Variants in PON1 observed in about 807,000 individuals in gnomAD.
PON1 encodes the protein serum paraoxonase/arylesterase 1.
A neutral mutation model predicts 39.2 loss-of-function variants in PON1; 37 were observed. The ratio of observed to expected loss-of-function variants is 0.94; its 90% CI spans 0.73 to 1.24. The LOEUF is 1.24. PON1 is among the 50% of genes most tolerant of loss of function. The pLI is 0.00. For synonymous variants in PON1, 148 were observed against 152.2 expected (o/e 0.97, Z 0.21); for missense variants, 397 against 413.5 (o/e 0.96, Z 0.35).
At chr7:95,314,055 C>G (rs1807712291) in intron 4 of PON1, among the ~76,000 whole-genome samples, 1 of 150,884 alleles carries the variant, frequency 6.6e-6, no homozygotes, top group Admixed American at 6.6e-5. Flanking sequence ...AAATGGTAAA[C>G]AGCATAAAAG....
At chr7:95,306,488 C>T (rs1182768377) in intron 6 of PON1, 122 bp from the exon 7 acceptor site, 3 of 751,420 alleles carry the variant, frequency 4.0e-6, no homozygotes, top group Non-Finnish European at 2.4e-6. Flanking sequence ...ATGGAACCCA[C>T]CTCAAACACA....
At chr7:95,318,730 C>T in intron 1 of PON1, 1 of 272,788 alleles carries the variant, frequency 3.7e-6, no homozygotes, top group Non-Finnish European at 7.2e-6. Flanking sequence ...AACATGGTTC[C>T]AGTTTATTCC....
chr7:95,317,960 C>A (rs997416723), intron 2 of PON1, among the ~76,000 whole-genome samples: 19 of 152,002 alleles, frequency 1.2e-4, no homozygotes, highest in African/African-American at 4.6e-4. Context: ...CCTGTCAGAG[C>A]CTTTCTAAAA....
rs751697220 is a variant in PON1, at chr7:95,299,073, T to C, written c.939A>G (p.Glu313=). The change falls in exon 9 of 9, where the codon GAA becomes GAG. Residue 313 remains glutamate, a synonymous_variant. Transcript: ENST00000222381. ...CATAAACCTGTGTCACTTTAGGTTC[T>C]TCTGTTAGAATGTTCTGGATTCGAA... The part of the protein sequence containing the change: ...EVLRIQNILT[E]EPKVTQVYAE... 7.4e-6 allele frequency: 12 copies of C among 1,614,058 alleles called. No homozygotes were observed. Among genetic ancestry groups the C allele is most frequent in the African/African-American group, 5.3e-5 (4 of 74,938 alleles).
chr7:95,318,299 C>T, intron 2 of PON1, 24 bp downstream of exon 2: 1 of 1,564,092 alleles, frequency 6.4e-7, no homozygotes, highest in Non-Finnish European at 8.8e-7. Flanking sequence ...TCAAATGAGA[C>T]CCTTCTTCCT....
At chr7:95,311,396 G>A in intron 5 of PON1, 55 bp downstream of exon 5, 1 of 1,604,446 alleles carries the variant, frequency 6.2e-7, no homozygotes, top group Non-Finnish European at 8.5e-7. Flanking sequence ...AACTAAAAGT[G>A]GATTAACTAT....
chr7:95,312,178 A>T (rs903655865), intron 4 of PON1, among the ~76,000 whole-genome samples: 1 of 151,994 alleles, frequency 6.6e-6, no homozygotes, highest in Non-Finnish European at 1.5e-5. Context: ...ACATGATCAA[A>T]TTGGCGTTTT....
At chr7:95,307,712 T>C (rs188056693) in intron 6 of PON1, among the ~76,000 whole-genome samples, 2 of 152,322 alleles carry the variant, frequency 1.3e-5, no homozygotes, top group African/African-American at 2.4e-5. Flanking sequence ...CAACTCATTA[T>C]ACACTCACAT....
At chr7:95,314,823 G>A (rs1330463410) in intron 4 of PON1, among the ~76,000 whole-genome samples, 2 of 152,144 alleles carry the variant, frequency 1.3e-5, no homozygotes, top group Non-Finnish European at 2.9e-5. Flanking sequence ...ACCAAGTTAT[G>A]TTGAAAGGGA....
chr7:95,318,220 A>C (rs1807814259), intron 2 of PON1, 103 bp downstream of exon 2: 3 of 1,008,970 alleles, frequency 3.0e-6, no homozygotes, highest in Non-Finnish European at 4.7e-6. Flanking sequence ...CTCCTGATTC[A>C]AAATTTTATT....
chr7:95,311,626 G>A, intron 4 of PON1, 49 bp from the exon 5 acceptor site: 10 of 1,610,732 alleles, frequency 6.2e-6, no homozygotes, highest in Non-Finnish European at 8.5e-6. Context: ...AGCTCTCACT[G>A]TCAGCCCTCT....
At chr7:95,318,459 A>C in intron 1 of PON1, 66 bp from the exon 2 acceptor site, 1 of 1,427,476 alleles carries the variant, frequency 7.0e-7, no homozygotes, top group Non-Finnish European at 9.8e-7. Flanking sequence ...TTGCAAAGGT[A>C]GGCAGTCCAC....
chr7:95,298,877 C>A lies in PON1; in HGVS notation c.*67G>T. The A allele has an allele frequency of 6.3e-7, 1 of 1,585,780 alleles. No homozygotes were observed. The highest frequency in any genetic ancestry group is 1.1e-5 in the South Asian group (1 of 90,314). On this transcript the variant is annotated 3_prime_UTR_variant, in exon 9 of 9. Transcript: ENST00000222381. ...CATTGTTCAGCTAAGAACACTGGGT[C>A]CTCGGAATATGGCAAGCGGTTGAAA...
intron 7 of PON1, among the ~76,000 whole-genome samples, chr7:95,305,510 A>G (rs1807520087): frequency 6.6e-6 from 1 of 152,192 alleles, no homozygotes; most frequent in African/African-American, 2.4e-5. Flanking sequence ...CTTACACCCT[A>G]GTTGGGGAAT....
chr7:95,298,553 C>G lies in PON1; in HGVS notation c.*391G>C. The stretch of plus-strand genomic sequence containing the variant: ...GAGTTCTAAAGACACGTGAGCTAAC[C>G]CTGCTCCCCTGTGTCTTCTGAACAA... On this transcript the variant is annotated 3_prime_UTR_variant, in exon 9 of 9. Transcript: ENST00000222381. The G allele has an allele frequency of 3.0e-6, 1 of 335,740 alleles. No homozygotes were observed. The highest frequency in any genetic ancestry group is 5.8e-6 in the Non-Finnish European group (1 of 171,682). The allele number at this position is 335,740 out of a possible 1,614,324, so 20.8% of individuals were successfully genotyped here.
chr7:95,323,600 T>A (rs1468558447), intron 1 of PON1, among the ~76,000 whole-genome samples: 1 of 152,244 alleles, frequency 6.6e-6, no homozygotes, highest in Non-Finnish European at 1.5e-5. Flanking sequence ...TTTGAACTCC[T>A]GTTAAAAGTT....
chr7:95,318,268 G>A (rs1433256655), intron 2 of PON1, 55 bp downstream of exon 2: 5 of 1,454,398 alleles, frequency 3.4e-6, no homozygotes, highest in East Asian at 4.6e-5. Context: ...ATCACACAAA[G>A]AGCAAAAAAA....
intron 1 of PON1, among the ~76,000 whole-genome samples, chr7:95,319,601 G>C (rs1807851780): frequency 6.6e-6 from 1 of 152,072 alleles, no homozygotes; most frequent in South Asian, 2.1e-4. Flanking sequence ...AGGAGACTGT[G>C]GTTTCCTGAT....
intron 8 of PON1, 55 bp downstream of exon 8, chr7:95,302,150 G>T: frequency 1.1e-5 from 10 of 947,150 alleles, no homozygotes; most frequent in South Asian, 1.4e-5. Flanking sequence ...GTTGTCAACT[G>T]AAAAAACAGT....
Sources: allele counts gnomAD v4.1 joint callset (sites outside exome capture counted in the v4.1 genomes callset), GRCh38; gene constraint gnomAD v4.1.1; transcripts MANE v1.5; gene names NCBI Gene and HGNC (gene_info 2026-07-23, HGNC 2026-07-21).